PDE3B: variants seen among roughly 807,000 people sequenced by gnomAD.
The protein encoded by PDE3B is cGMP-inhibited 3',5'-cyclic phosphodiesterase 3B.
PDE3B carries 66 observed loss-of-function variants against 116.8 expected under a neutral mutation model. The ratio of observed to expected loss-of-function variants is 0.56; its 90% CI spans 0.46 to 0.69. The LOEUF (loss-of-function observed/expected upper bound fraction) is 0.69, where lower values mean the gene tolerates loss of function less well. Ranked by LOEUF, PDE3B falls within the 30% of genes least tolerant of loss-of-function variation. PDE3B has a pLI of 0.00. For missense variants in PDE3B, 1,384 were observed against 1,368.1 expected, an observed-to-expected ratio of 1.01 and a Z score of -0.18; for synonymous variants, 595 against 533.6, an observed-to-expected ratio of 1.12 and a Z score of -1.59.
the PDE3B span, chr11:14,885,634 T>C: frequency 1.2e-6 from 1 of 841,070 alleles, no homozygotes; most frequent in African/African-American, 1.7e-5. Context: ...GCCTGAAAGG[T>C]CCTCAAATAC....
intron 1 of PDE3B, among the ~76,000 whole-genome samples, chr11:14,708,603 AG>A (rs1262505863): frequency 6.6e-6 from 1 of 152,096 alleles, no homozygotes; most frequent in African/African-American, 2.4e-5. Flanking sequence ...AAATTGTACT[AG>A]TACAGTAAAT....
intron 1 of PDE3B, among the ~76,000 whole-genome samples, chr11:14,666,942 C>G (rs541830559): frequency 1.3e-5 from 2 of 151,400 alleles, no homozygotes; most frequent in African/African-American, 4.8e-5. Flanking sequence ...GGGTATATAC[C>G]CAAAGGACTA....
chr11:14,864,354 T>C, intron 14 of PDE3B, among the ~76,000 whole-genome samples: 1 of 152,228 alleles, frequency 6.6e-6, no homozygotes. Flanking sequence ...AAAATAATAG[T>C]GGGAGATTTT....
At chr11:14,822,302 A>G (rs1451305656) in intron 7 of PDE3B, among the ~76,000 whole-genome samples, 1 of 152,218 alleles carries the variant, frequency 6.6e-6, no homozygotes, top group Non-Finnish European at 1.5e-5. Context: ...ACAAAATAAG[A>G]GGCTGGCCAA....
chr11:14,666,693 T>C lies in PDE3B; in HGVS notation c.978+21640T>C, dbSNP rs1013083157. On this transcript the variant is annotated intron_variant, in intron 1 of 15. Coordinates refer to ENST00000282096, the MANE Select transcript of PDE3B (RefSeq NM_000922.4). Reference sequence around the variant, plus strand: ...AAAACACATGAAAAAATGCTCATCATCACTGGCCATCAGAGAAATGCAAAT... The same window carrying C: ...AAAACACATGAAAAAATGCTCATCACCACTGGCCATCAGAGAAATGCAAAT... Among the ~76,000 whole-genome samples, 1,251 of 151,136 alleles carry C rather than the reference T, an allele frequency of 8.3e-3. 20 individuals carry two copies. Among genetic ancestry groups the C allele is most frequent in the African/African-American group, 0.028 (1,168 of 41,410 alleles).
chr11:14,841,347 C>CTA (rs1011885632), intron 11 of PDE3B, among the ~76,000 whole-genome samples: 87 of 140,546 alleles, frequency 6.2e-4, no homozygotes, highest in South Asian at 1.6e-3. Context: ...CTCTCTCTCT[C>CTA]TATATATATA....
At chr11:14,688,227 G>A (rs1027295815) in intron 1 of PDE3B, among the ~76,000 whole-genome samples, 1 of 145,866 alleles carries the variant, frequency 6.9e-6, no homozygotes, top group Non-Finnish European at 1.5e-5. Context: ...AGTATTTTCA[G>A]GAAATTAGAG....
intron 1 of PDE3B, among the ~76,000 whole-genome samples, chr11:14,724,218 G>A (rs890100972): frequency 1.3e-5 from 2 of 152,138 alleles, no homozygotes; most frequent in African/African-American, 4.8e-5. Flanking sequence ...CAGGGGGTTG[G>A]GGAGAAGGCA....
chr11:14,867,076 AAAAG>A (rs1848060313), intron 14 of PDE3B, among the ~76,000 whole-genome samples: 1 of 152,072 alleles, frequency 6.6e-6, no homozygotes, highest in African/African-American at 2.4e-5. Flanking sequence ...AAAAAAAAAA[AAAAG>A]GGGGTGGAGG....
At chr11:14,829,434 A>G (rs73418646) in intron 7 of PDE3B, among the ~76,000 whole-genome samples, 1,834 of 152,308 alleles carry the variant, frequency 0.012, 32 homozygotes, top group African/African-American at 0.042. Context: ...ATATGTCCAT[A>G]GTGGAAAAGT....
intron 1 of PDE3B, among the ~76,000 whole-genome samples, chr11:14,650,754 C>G (rs1329564388): frequency 6.6e-6 from 1 of 151,934 alleles, no homozygotes; most frequent in Non-Finnish European, 1.5e-5. Context: ...ATTACTCAAC[C>G]CATCTTTGCT....
rs1858312407 is a variant in PDE3B at position 14,789,253 on chromosome 11, C to A, written c.1415+11C>A. The A allele has an allele frequency of 6.3e-7, 1 of 1,591,206 alleles. No homozygotes were observed. The highest frequency in any genetic ancestry group is 8.6e-7 in the Non-Finnish European group (1 of 1,168,300). On this transcript the variant is annotated intron_variant, in intron 4 of 15. Coordinates refer to ENST00000282096, the MANE Select transcript of PDE3B (RefSeq NM_000922.4). ...ATTTGGCATTTCAAGGTAAAATCTG[C>A]AGAGCCTTTTAAGAAACTTGAATCA... is the stretch of plus-strand genomic sequence containing the variant.
intron 1 of PDE3B, among the ~76,000 whole-genome samples, chr11:14,655,157 G>GA (rs1388458287): frequency 2.0e-5 from 3 of 151,732 alleles, no homozygotes; most frequent in African/African-American, 7.3e-5. Context: ...TAAAAGAATG[G>GA]AAAAAGGACA....
intron 12 of PDE3B, among the ~76,000 whole-genome samples, chr11:14,854,180 C>T (rs1351411596): frequency 1.3e-5 from 2 of 152,142 alleles, no homozygotes; most frequent in Non-Finnish European, 2.9e-5. Context: ...CCCAGAGACT[C>T]CTGTTACCAT....
intron 12 of PDE3B, among the ~76,000 whole-genome samples, chr11:14,857,524 T>C (rs915062730): frequency 6.6e-6 from 1 of 152,192 alleles, no homozygotes; most frequent in Non-Finnish European, 1.5e-5. Flanking sequence ...TCATATAGGC[T>C]TTTTCCTTCT....
intron 1 of PDE3B, among the ~76,000 whole-genome samples, chr11:14,736,972 A>G (rs1280440874): frequency 6.6e-6 from 1 of 152,196 alleles, no homozygotes; most frequent in Non-Finnish European, 1.5e-5. Context: ...TTGACTTTTC[A>G]AGTCCACCAT....
At chr11:14,820,040 CT>C (rs953300269) in intron 7 of PDE3B, among the ~76,000 whole-genome samples, 3 of 152,064 alleles carry the variant, frequency 2.0e-5, no homozygotes, top group African/African-American at 7.2e-5. Context: ...ATAGATAAGC[CT>C]TTTCAGGGAT....
chr11:14,861,196 C>G lies in PDE3B; in HGVS notation c.2725-9C>G. The G allele has an allele frequency of 1.9e-6, 3 of 1,596,254 alleles. No homozygotes were observed. The highest frequency in any genetic ancestry group is 2.6e-6 in the Non-Finnish European group (3 of 1,168,602). On this transcript the variant is annotated splice_polypyrimidine_tract_variant and intron_variant, in intron 13 of 15. Coordinates refer to ENST00000282096, the MANE Select transcript of PDE3B (RefSeq NM_000922.4). ...CAGAACCTAAAATGATGTTGTTTTT[C>G]CAAAATAGGCAAATGATGTAAATAG...
At chr11:14,747,245 A>G (rs60249674) in intron 1 of PDE3B, among the ~76,000 whole-genome samples, 20,112 of 152,166 alleles carry the variant, frequency 0.13, 1,526 homozygotes, top group African/African-American at 0.2. Context: ...CCCACCTTCA[A>G]CTTTGGGAAT....
Sources: gnomAD v4.1 joint callset for allele counts (sites outside exome capture counted in the v4.1 genomes callset) on GRCh38, gnomAD v4.1.1 for gene constraint, MANE v1.5 for transcripts, NCBI Gene and HGNC (gene_info 2026-07-23, HGNC 2026-07-21) for gene names.